The following TRIM5 variants were observed in gnomAD, a reference collection of about 807,000 sequenced individuals.
TRIM5 encodes tripartite motif-containing protein 5.
TRIM5 carries 31 observed loss-of-function variants against 35.6 expected under a neutral mutation model. That is an observed-to-expected ratio of 0.87 (90% CI 0.65 to 1.18). TRIM5 has a LOEUF of 1.18. Ranked by LOEUF, TRIM5 falls within the 50% of genes most tolerant of loss-of-function variation. TRIM5 has a pLI of 0.00. For synonymous variants in TRIM5, 243 were observed against 215.6 expected (o/e 1.13, Z -1.11); for missense variants, 609 against 591.6 (o/e 1.03, Z -0.31).
At chr11:5,684,585 T>C (rs1443020041) in intron 1 of TRIM5, among the ~76,000 whole-genome samples, 1 of 152,180 alleles carries the variant, frequency 6.6e-6, no homozygotes, top group Non-Finnish European at 1.5e-5. Flanking sequence ...GCCCCTGTCT[T>C]TGCCCTTGTT....
chr11:5,623,179 C>T, the TRIM5 span, among the ~76,000 whole-genome samples: 3 of 147,208 alleles, frequency 2.0e-5, no homozygotes, highest in South Asian at 2.3e-4. Context: ...TTTGCCCTAA[C>T]CAGTTCTCAA....
intron 5 of TRIM5, among the ~76,000 whole-genome samples, chr11:5,666,902 T>C (rs1415940095): frequency 6.6e-6 from 1 of 152,190 alleles, no homozygotes; most frequent in Non-Finnish European, 1.5e-5. Context: ...TTTGGAAATC[T>C]AAATATAAAT....
the TRIM5 span, among the ~76,000 whole-genome samples, chr11:5,631,111 A>G: frequency 0.93 from 141,352 of 152,230 alleles, 65,831 homozygotes; most frequent in East Asian, 1. Flanking sequence ...TCTGTGATCT[A>G]TGTGTAATTC....
In TRIM5 at chr11:5,667,716, G is replaced by A; in HGVS notation, c.745-5C>T. The A allele has an allele frequency of 1.2e-6, 2 of 1,613,038 alleles. No homozygotes were observed. The highest frequency in any genetic ancestry group is 2.2e-5 in the South Asian group (2 of 90,966). On this transcript the variant is annotated splice_region_variant and splice_polypyrimidine_tract_variant and intron_variant, in intron 4 of 7. Coordinates refer to ENST00000380034, the MANE Select transcript of TRIM5 (RefSeq NM_033034.3). ...TTTTATGACGCCATCCACACCCTAG[G>A]AAGAAGAGAGAAAACATCAATTAAG...
chr11:5,641,972 C>T, the TRIM5 span, among the ~76,000 whole-genome samples: 1 of 152,104 alleles, frequency 6.6e-6, no homozygotes, highest in Non-Finnish European at 1.5e-5. Context: ...TACAGAGCCC[C>T]GTATCACAGT....
the TRIM5 span, among the ~76,000 whole-genome samples, chr11:5,649,546 C>T: frequency 1.3e-5 from 2 of 152,148 alleles, no homozygotes; most frequent in Non-Finnish European, 2.9e-5. Context: ...TCCTAGCAAG[C>T]ACAGTAATTC....
At chr11:5,669,992 T>C (rs1028037803) in intron 4 of TRIM5, 5 of 158,816 alleles carry the variant, frequency 3.1e-5, no homozygotes, top group Non-Finnish European at 4.3e-5. Context: ...AAAACAAAAA[T>C]ATGATCAATG....
At chr11:5,666,304 C>T in intron 5 of TRIM5, 2 of 620,614 alleles carry the variant, frequency 3.2e-6, no homozygotes, top group Non-Finnish European at 5.9e-6. Flanking sequence ...CTTAACCTCT[C>T]AGAAGCACAG....
the TRIM5 span, among the ~76,000 whole-genome samples, chr11:5,651,790 A>G: frequency 1.3e-5 from 2 of 152,232 alleles, no homozygotes; most frequent in Middle Eastern, 3.4e-3. Flanking sequence ...TTTCTCTGCA[A>G]CCTCACCAGC....
chr11:5,652,676 G>C, the TRIM5 span, among the ~76,000 whole-genome samples: 1 of 151,964 alleles, frequency 6.6e-6, no homozygotes, highest in Admixed American at 6.6e-5. Context: ...ATGAATTTTA[G>C]AATAGTTTTT....
the TRIM5 span, among the ~76,000 whole-genome samples, chr11:5,634,171 AC>A: frequency 6.6e-6 from 1 of 152,142 alleles, no homozygotes; most frequent in Non-Finnish European, 1.5e-5. Flanking sequence ...ACGGGGCTCT[AC>A]TACTTCTGGT....
Position 5,678,317 on chromosome 11 carries a change from G to C in TRIM5, c.631C>G (p.Leu211Val), listed in dbSNP as rs762505304. The change falls in exon 4 of 8, where the codon CTG (leucine) becomes GTG (valine). Residue 211 changes from leucine to valine, a missense_variant. Physicochemically the swap from Leu to Val is conservative, Grantham distance 32 (BLOSUM62 1). Coordinates refer to ENST00000380034, the MANE Select transcript of TRIM5 (RefSeq NM_033034.3). ...GTTTCAGAGTTCGTAAGGCTTTTCAGAATGTCTTCCTCCTCCTTCTCCAGG... is the reference window on the plus strand; with the variant it reads ...GTTTCAGAGTTCGTAAGGCTTTTCACAATGTCTTCCTCCTCCTTCTCCAGG... ...QNLEKEEEDI[L>V]KSLTNSETEM... is the part of the protein sequence containing the mutation. The C allele has an allele frequency of 6.2e-7, 1 of 1,614,112 alleles. No homozygotes were observed. Among genetic ancestry groups the C allele is most frequent in the Non-Finnish European group, 8.5e-7 (1 of 1,179,980 alleles).
In TRIM5 at chr11:5,665,296, C is replaced by A. The variant is rs145938172; in HGVS notation, c.995G>T (p.Arg332Leu). Residue 332 changes from arginine (R) to leucine (L), a missense_variant, in exon 8 of 8, where the codon CGA becomes CTA. Arg to Leu is a moderately radical substitution (Grantham distance 102). Transcript: ENST00000380034. ...CACAAATGTCTGGTATCTTGTCCCTCGTGCCCCATATATTATCTGTGGTTT... is the reference window on the plus strand; with the variant it reads ...CACAAATGTCTGGTATCTTGTCCCTAGTGCCCCATATATTATCTGTGGTTT... ...SPKPQIIYGARGTRYQTFVNF... is the reference protein window; with the variant it reads ...SPKPQIIYGALGTRYQTFVNF... The A allele has an allele frequency of 6.2e-7, 1 of 1,614,164 alleles. No individual in the cohort carries two copies. Among genetic ancestry groups the A allele is most frequent in the Non-Finnish European group, 8.5e-7 (1 of 1,180,032 alleles).
the TRIM5 span, chr11:5,604,425 G>T: frequency 1.6e-6 from 2 of 1,257,874 alleles, no homozygotes; most frequent in Admixed American, 2.4e-5. Flanking sequence ...TCCTAGGTTA[G>T]GACAGGCTTC....
At chr11:5,634,038 GT>G in the TRIM5 span, 1 of 889,738 alleles carries the variant, frequency 1.1e-6, no homozygotes, top group Non-Finnish European at 1.7e-6. Context: ...TCCTGTCCCT[GT>G]TGGGGGTGGA....
intron 4 of TRIM5, among the ~76,000 whole-genome samples, chr11:5,674,234 T>A (rs903464144): frequency 6.6e-6 from 1 of 152,284 alleles, no homozygotes; most frequent in East Asian, 1.9e-4. Flanking sequence ...GAATTGCAGA[T>A]GGATGTCAGC....
chr11:5,645,896 T>TAGATATATATAG, the TRIM5 span: 2 of 156,516 alleles, frequency 1.3e-5, no homozygotes, highest in African/African-American at 6.1e-5. Context: ...TATATATATA[T>TAGATATATATAG]CTATATATAG....
At chr11:5,635,198 A>C in the TRIM5 span, among the ~76,000 whole-genome samples, 1 of 151,192 alleles carries the variant, frequency 6.6e-6, no homozygotes, top group Non-Finnish European at 1.5e-5. Context: ...CATTTAAGAA[A>C]TGTGTTCTAT....
chr11:5,643,114 C>CATATATATATAT, the TRIM5 span: 3 of 493,000 alleles, frequency 6.1e-6, no homozygotes, highest in South Asian at 2.3e-4. Context: ...TATTCATATA[C>CATATATATATAT]ATATATATAT....
Sources: gnomAD v4.1 joint callset for allele counts (sites outside exome capture counted in the v4.1 genomes callset) on GRCh38, gnomAD v4.1.1 for gene constraint, MANE v1.5 for transcripts, NCBI Gene and HGNC (gene_info 2026-07-23, HGNC 2026-07-21) for gene names.